XKR9: variants seen among roughly 807,000 people sequenced by gnomAD.
The protein encoded by XKR9 is XK related 9.
In XKR9, 32 loss-of-function variants were observed where a neutral mutation model predicts 32.0. The observed-to-expected ratio is 1.00, with a 90% CI of 0.76 to 1.34. The LOEUF is 1.34. XKR9 is among the 40% of genes most tolerant of loss of function. The pLI is 0.00. For missense variants in XKR9, 546 were observed against 429.7 expected (o/e 1.27, Z -2.39); for synonymous variants, 168 against 143.4 (o/e 1.17, Z -1.22).
At chr8:70,860,343 G>A in the XKR9 span, among the ~76,000 whole-genome samples, 5 of 152,026 alleles carry the variant, frequency 3.3e-5, no homozygotes, top group South Asian at 2.1e-4. Context: ...AAGATACAAC[G>A]AGAAGTTGGC....
At chr8:70,923,080 C>T in the XKR9 span, among the ~76,000 whole-genome samples, 1 of 152,232 alleles carries the variant, frequency 6.6e-6, no homozygotes, top group Non-Finnish European at 1.5e-5. Context: ...CACATTTCGC[C>T]TTTCTTCAGA....
At chr8:70,983,389 T>C in the XKR9 span, among the ~76,000 whole-genome samples, 1 of 152,184 alleles carries the variant, frequency 6.6e-6, no homozygotes, top group Non-Finnish European at 1.5e-5. Flanking sequence ...CCATAATTTC[T>C]TATTAAATGT....
chr8:70,791,096 T>C (rs62508807), downstream of XKR9, among the ~76,000 whole-genome samples: 11,033 of 152,086 alleles, frequency 0.073, 471 homozygotes, highest in Non-Finnish European at 0.089. Context: ...GGGTGAGATA[T>C]AAACATTCAG....
chr8:70,907,283 G>C, the XKR9 span, among the ~76,000 whole-genome samples: 3 of 152,098 alleles, frequency 2.0e-5, no homozygotes, highest in Admixed American at 2.0e-4. Flanking sequence ...GTAATCTTAA[G>C]ATCTTTGGTC....
At chr8:70,800,768 G>C in the XKR9 span, among the ~76,000 whole-genome samples, 4 of 152,128 alleles carry the variant, frequency 2.6e-5, no homozygotes, top group Non-Finnish European at 4.4e-5. Flanking sequence ...TTACAGGTGT[G>C]AGCCACTGTG....
At chr8:70,754,860 C>G (rs1445793499) in intron 2 of XKR9, among the ~76,000 whole-genome samples, 1 of 152,018 alleles carries the variant, frequency 6.6e-6, no homozygotes, top group African/African-American at 2.4e-5. Context: ...TGGGCAAGGA[C>G]TTCCTGTCTA....
the XKR9 span, among the ~76,000 whole-genome samples, chr8:70,994,237 C>G: frequency 6.6e-6 from 1 of 152,138 alleles, no homozygotes; most frequent in Non-Finnish European, 1.5e-5. Context: ...CAGTTTCCAA[C>G]CTATACAATT....
chr8:70,870,576 A>C, the XKR9 span, among the ~76,000 whole-genome samples: 1 of 152,194 alleles, frequency 6.6e-6, no homozygotes, highest in Non-Finnish European at 1.5e-5. Context: ...CTTATATAGG[A>C]AAAGTCCAAA....
intron 2 of XKR9, among the ~76,000 whole-genome samples, chr8:70,781,324 C>A (rs909157089): frequency 6.6e-6 from 1 of 151,768 alleles, no homozygotes; most frequent in Non-Finnish European, 1.5e-5. Context: ...GTTACTAGAC[C>A]CTCATCAAAT....
the XKR9 span, among the ~76,000 whole-genome samples, chr8:70,831,275 A>G: frequency 2.1e-5 from 3 of 143,576 alleles, no homozygotes; most frequent in African/African-American, 5.2e-5. Flanking sequence ...TGGGTGACAG[A>G]GCTAGACTCT....
chr8:70,876,484 G>T, the XKR9 span, among the ~76,000 whole-genome samples: 361 of 152,104 alleles, frequency 2.4e-3, no homozygotes, highest in Admixed American at 4.5e-3. Context: ...CTTGACTCTT[G>T]CATAGAATTG....
At chr8:70,867,698 C>A in the XKR9 span, among the ~76,000 whole-genome samples, 1 of 152,110 alleles carries the variant, frequency 6.6e-6, no homozygotes. Context: ...GTGATCCACC[C>A]ACCTTGGCCT....
chr8:70,949,690 C>T, the XKR9 span, among the ~76,000 whole-genome samples: 206 of 151,780 alleles, frequency 1.4e-3, 1 homozygote, highest in Middle Eastern at 6.8e-3. Context: ...CCAGTAGCTT[C>T]GGAGGGGATG....
the XKR9 span, among the ~76,000 whole-genome samples, chr8:70,963,746 G>T: frequency 1.8e-4 from 27 of 152,126 alleles, no homozygotes; most frequent in Non-Finnish European, 3.7e-4. Context: ...AAATATATTT[G>T]TTGGCTGCAT....
chr8:71,038,258 CCTTT>C, the XKR9 span, among the ~76,000 whole-genome samples: 1 of 150,886 alleles, frequency 6.6e-6, no homozygotes, highest in South Asian at 2.1e-4. Flanking sequence ...TCTCTTTCTT[CCTTT>C]CTTTCTCTTT....
chr8:70,727,055 G>C (rs1048785912), intron 4 of XKR9, among the ~76,000 whole-genome samples: 6 of 152,096 alleles, frequency 3.9e-5, no homozygotes, highest in Non-Finnish European at 7.4e-5. Context: ...GCATTGACAT[G>C]GTTAAATTTC....
chr8:70,669,783 C>T (rs2132087938), intron 1 of XKR9, among the ~76,000 whole-genome samples: 1 of 151,772 alleles, frequency 6.6e-6, no homozygotes, highest in Non-Finnish European at 1.5e-5. Context: ...CCTCCTGCCT[C>T]GGCCTCCCGA....
chr8:71,040,710 A>C, the XKR9 span, among the ~76,000 whole-genome samples: 1 of 152,138 alleles, frequency 6.6e-6, no homozygotes, highest in Non-Finnish European at 1.5e-5. Flanking sequence ...TAACTTATAC[A>C]TATAATTTTG....
At chr8:70,755,725 CG>C (rs1345569520) in intron 2 of XKR9, among the ~76,000 whole-genome samples, 2 of 119,146 alleles carry the variant, frequency 1.7e-5, no homozygotes, top group Non-Finnish European at 3.2e-5. Flanking sequence ...CCCATGGACA[CG>C]GGAAGGGGAA....
Sources: gnomAD v4.1 joint callset for allele counts (sites outside exome capture counted in the v4.1 genomes callset) on GRCh38, gnomAD v4.1.1 for gene constraint, MANE v1.5 for transcripts, NCBI Gene and HGNC (gene_info 2026-07-23, HGNC 2026-07-21) for gene names.